PEMT: variants seen among roughly 807,000 people sequenced by gnomAD.
PEMT encodes phospholipid methyltransferase.
A neutral mutation model predicts 27.4 loss-of-function variants in PEMT; 23 were observed. The observed-to-expected ratio is 0.84, with a 90% CI of 0.60 to 1.19. The LOEUF (loss-of-function observed/expected upper bound fraction) is 1.19. Ranked by LOEUF, PEMT falls within the 50% of genes most tolerant of loss-of-function variation. PEMT has a pLI of 0.00. For missense variants in PEMT, 307 were observed against 310.1 expected (o/e 0.99, Z 0.07); for synonymous variants, 137 against 139.1 (o/e 0.98, Z 0.11).
chr17:17,510,258 T>C (rs1397301994), intron 4 of PEMT, among the ~76,000 whole-genome samples: 1 of 152,220 alleles, frequency 6.6e-6, no homozygotes, highest in Non-Finnish European at 1.5e-5. Context: ...AGAGCTGCTC[T>C]GAGCCATAAG....
intron 2 of PEMT, among the ~76,000 whole-genome samples, chr17:17,558,790 T>G (rs4924962): frequency 1.4e-3 from 209 of 151,394 alleles, no homozygotes; most frequent in African/African-American, 4.8e-3. Flanking sequence ...AGGTGCTCCA[T>G]GTACACTATA....
intron 1 of PEMT, among the ~76,000 whole-genome samples, chr17:17,580,707 C>T (rs1396450521): frequency 2.0e-5 from 3 of 152,142 alleles, no homozygotes; most frequent in Admixed American, 6.5e-5. Flanking sequence ...ATTCCCCATT[C>T]AGCCCCCAGC....
At chr17:17,547,375 G>T (rs987705733) in intron 2 of PEMT, among the ~76,000 whole-genome samples, 1 of 152,272 alleles carries the variant, frequency 6.6e-6, no homozygotes, top group Non-Finnish European at 1.5e-5. Flanking sequence ...GCCCAAGGGG[G>T]CCTCCTGTCT....
rs549775600 is a variant in PEMT at position 17,563,210 on chromosome 17, G to GGGTTCCCCACCAGCT, written c.204+13709_204+13710insAGCTGGTGGGGAACC. On this transcript the variant is annotated intron_variant, in intron 2 of 6. Coordinates refer to ENST00000255389, the MANE Select transcript of PEMT (RefSeq NM_148172.3). ...AGGCCCTCGGAGAGAAGCACGTTGG[G>GGGTTCCCCACCAGCT]GGTTCCCACCAGCTGCTCCTTAACA... Among the ~76,000 whole-genome samples, 285 of 152,248 alleles carry GGGTTCCCCACCAGCT rather than the reference G, an allele frequency of 1.9e-3. 1 individual carries two copies. The highest frequency in any genetic ancestry group is 6.7e-3 in the African/African-American group (278 of 41,538).
In PEMT at chr17:17,509,551, G is replaced by C. The variant is rs1277020583; in HGVS notation, c.467-6C>G. 1 of 1,590,568 alleles carries C rather than the reference G, an allele frequency of 6.3e-7. No homozygotes were observed. The highest frequency in any genetic ancestry group is 2.2e-5 in the East Asian group (1 of 44,754). The stretch of plus-strand genomic sequence containing the variant: ...GAGGATCCCGAAGTAATCACCTGTG[G>C]ATGAGGCAAGGCAGGGTCCCTCGGC... On this transcript the variant is annotated splice_polypyrimidine_tract_variant and splice_region_variant and intron_variant, in intron 4 of 6. Coordinates refer to ENST00000255389, the MANE Select transcript of PEMT (RefSeq NM_148172.3).
At chr17:17,585,963 G>C (rs1597969791) in intron 1 of PEMT, among the ~76,000 whole-genome samples, 1 of 151,046 alleles carries the variant, frequency 6.6e-6, no homozygotes, top group Non-Finnish European at 1.5e-5. Flanking sequence ...GGCGCCTGTA[G>C]TCCCAGCTAC....
At position 17,512,390 on chromosome 17, in the gene PEMT, A is replaced by AG. The variant is rs1237444989; in HGVS notation, c.466+118dup. The AG allele has an allele frequency of 1.6e-5, 15 of 958,866 alleles. No homozygotes were observed. The highest frequency in any genetic ancestry group is 1.9e-5 in the Non-Finnish European group (13 of 692,204). The allele number at this position is 958,866 out of a possible 1,614,324, so 59.4% of individuals were successfully genotyped here. A position where few individuals can be genotyped will look rare whatever the true frequency, so the allele number is the denominator to read the frequency against. ...TGGAGGAGCAAAGACGCCCCGATGG[A>AG]GGGGGCCCCTAGCACTCCCACCGAT... On this transcript the variant is annotated intron_variant, in intron 4 of 6. Coordinates refer to ENST00000255389, the MANE Select transcript of PEMT (RefSeq NM_148172.3). The surrounding 1 kb of genome is among the most constrained non-coding windows in gnomAD (Gnocchi z 6.3).
intron 1 of PEMT, among the ~76,000 whole-genome samples, chr17:17,583,089 T>A (rs1912065792): frequency 6.7e-6 from 1 of 150,158 alleles, no homozygotes; most frequent in South Asian, 2.1e-4. Flanking sequence ...AGAAGTTTAT[T>A]CTCTGGCCGT....
intron 2 of PEMT, among the ~76,000 whole-genome samples, chr17:17,574,948 CA>C (rs746340693): frequency 1.3e-5 from 2 of 152,236 alleles, no homozygotes; most frequent in Non-Finnish European, 2.9e-5. Flanking sequence ...CCCAACACTC[CA>C]AAGGTTAGGC....
At chr17:17,552,946 C>T (rs1909768338) in intron 2 of PEMT, among the ~76,000 whole-genome samples, 2 of 152,210 alleles carry the variant, frequency 1.3e-5, no homozygotes, top group African/African-American at 2.4e-5. Context: ...GGCTGGAGGG[C>T]GGCCCAGCGC....
chr17:17,556,414 C>T (rs1397712757), intron 2 of PEMT, among the ~76,000 whole-genome samples: 1 of 152,032 alleles, frequency 6.6e-6, no homozygotes, highest in Non-Finnish European at 1.5e-5. Context: ...CGCTCTGTCG[C>T]CCAAGCCAGA....
intron 1 of PEMT, among the ~76,000 whole-genome samples, chr17:17,588,483 C>A (rs1912435301): frequency 6.6e-6 from 1 of 152,146 alleles, no homozygotes; most frequent in African/African-American, 2.4e-5. Flanking sequence ...GAGGACCACC[C>A]TTAGGTGGGC....
At chr17:17,579,460 C>A (rs1213741729) in intron 1 of PEMT, among the ~76,000 whole-genome samples, 1 of 152,018 alleles carries the variant, frequency 6.6e-6, no homozygotes, top group East Asian at 1.9e-4. Flanking sequence ...GGCGGATCAC[C>A]TGAGGTCAGG....
At chr17:17,544,086 G>A (rs1354714380) in intron 2 of PEMT, among the ~76,000 whole-genome samples, 1 of 151,918 alleles carries the variant, frequency 6.6e-6, no homozygotes, top group Non-Finnish European at 1.5e-5. Flanking sequence ...GCACTGGACG[G>A]GGGTCAGGAA....
At chr17:17,562,059 T>C (rs535121247) in intron 2 of PEMT, among the ~76,000 whole-genome samples, 21 of 152,286 alleles carry the variant, frequency 1.4e-4, no homozygotes, top group Admixed American at 5.2e-4. Context: ...TTCCGGCCCA[T>C]TGGAGTCGGC....
At chr17:17,534,952 G>A (rs187703628) in intron 2 of PEMT, among the ~76,000 whole-genome samples, 4 of 151,256 alleles carry the variant, frequency 2.6e-5, no homozygotes, top group South Asian at 2.1e-4. Context: ...ATGGAGTCTC[G>A]CTCTGTCACC....
intron 2 of PEMT, among the ~76,000 whole-genome samples, chr17:17,554,592 A>C (rs949428186): frequency 6.6e-6 from 1 of 152,186 alleles, no homozygotes; most frequent in African/African-American, 2.4e-5. Flanking sequence ...TGAATTCAGC[A>C]GATTTTTAAA....
intron 3 of PEMT, chr17:17,518,155 A>G (rs1022202618): frequency 2.4e-5 from 24 of 985,320 alleles, no homozygotes; most frequent in Admixed American, 6.1e-5. Context: ...CCATCCCGTG[A>G]CTGGTGAACG....
intron 2 of PEMT, among the ~76,000 whole-genome samples, chr17:17,526,351 C>T (rs1160003791): frequency 6.6e-6 from 1 of 152,218 alleles, no homozygotes; most frequent in Non-Finnish European, 1.5e-5. Flanking sequence ...TCGCCAAAAG[C>T]CGACAGCACT....
Sources: allele counts gnomAD v4.1 joint callset (sites outside exome capture counted in the v4.1 genomes callset), GRCh38; gene constraint gnomAD v4.1.1; non-coding constraint Gnocchi (gnomAD v3.1); transcripts MANE v1.5; gene names NCBI Gene and HGNC (gene_info 2026-07-23, HGNC 2026-07-21).